PDZD2: variants seen among roughly 807,000 people sequenced by gnomAD.
The protein encoded by PDZD2 is PDZ domain-containing protein 2.
A neutral mutation model predicts 220.7 loss-of-function variants in PDZD2; 90 were observed. The ratio of observed to expected loss-of-function variants is 0.41; its 90% CI spans 0.34 to 0.49. The LOEUF (loss-of-function observed/expected upper bound fraction) is 0.49. Among genes scored for constraint, PDZD2 ranks in the 20% least tolerant of loss-of-function variants. PDZD2 has a pLI of 0.28. For synonymous variants in PDZD2, 1,375 were observed against 1,450.5 expected (o/e 0.95, Z 1.18); for missense variants, 3,174 against 3,608.5 (o/e 0.88, Z 3.08).
chr5:31,947,073 CT>C (rs1464953320), intron 2 of PDZD2, among the ~76,000 whole-genome samples: 1 of 152,126 alleles, frequency 6.6e-6, no homozygotes, highest in Non-Finnish European at 1.5e-5. Flanking sequence ...ACTCAGAGCC[CT>C]GATTTTATGG....
At chr5:31,915,197 A>G (rs1743574592) in intron 2 of PDZD2, among the ~76,000 whole-genome samples, 1 of 152,132 alleles carries the variant, frequency 6.6e-6, no homozygotes, top group African/African-American at 2.4e-5. Context: ...TTCCAATTGG[A>G]GAAGCATCCC....
At chr5:32,092,638 T>C (rs1021359489) in intron 20 of PDZD2, among the ~76,000 whole-genome samples, 2 of 152,228 alleles carry the variant, frequency 1.3e-5, no homozygotes, top group Admixed American at 1.3e-4. Flanking sequence ...AGAAGTGTCC[T>C]GTTAAGCTCC....
At chr5:31,858,458 C>G (rs1048799501) in intron 2 of PDZD2, among the ~76,000 whole-genome samples, 1 of 152,190 alleles carries the variant, frequency 6.6e-6, no homozygotes, top group African/African-American at 2.4e-5. Flanking sequence ...TGTCCTGATT[C>G]ATTCCTGAGT....
intron 2 of PDZD2, among the ~76,000 whole-genome samples, chr5:31,887,691 G>C (rs1306846284): frequency 6.6e-6 from 1 of 152,142 alleles, no homozygotes; most frequent in Non-Finnish European, 1.5e-5. Flanking sequence ...TCGCATAGCT[G>C]TACAGAGAAC....
chr5:31,660,772 G>C (rs1417363375), intron 1 of PDZD2, among the ~76,000 whole-genome samples: 1 of 152,166 alleles, frequency 6.6e-6, no homozygotes, highest in Non-Finnish European at 1.5e-5. Flanking sequence ...GCCCAGGCTG[G>C]AGTGCAATGG....
intron 2 of PDZD2, chr5:31,923,401 T>C: frequency 8.0e-7 from 1 of 1,255,648 alleles, no homozygotes; most frequent in Non-Finnish European, 1.2e-6. Flanking sequence ...AAGCAGAGAC[T>C]GCAGCAGCTC....
intron 2 of PDZD2, among the ~76,000 whole-genome samples, chr5:31,880,794 T>TTTCC (rs11282137): frequency 0.054 from 5,721 of 106,156 alleles, 537 homozygotes; most frequent in African/African-American, 0.18. Context: ...TTTTTTTCTT[T>TTTCC]TTTTTTTTTT....
chr5:31,723,651 C>G (rs1334087363), intron 1 of PDZD2, among the ~76,000 whole-genome samples: 1 of 152,020 alleles, frequency 6.6e-6, no homozygotes, highest in South Asian at 2.1e-4. Flanking sequence ...AAGTCTCGCT[C>G]TTGTCACCCA....
chr5:31,670,727 C>A (rs1746184821), intron 1 of PDZD2, among the ~76,000 whole-genome samples: 1 of 151,998 alleles, frequency 6.6e-6, no homozygotes, highest in African/African-American at 2.4e-5. Flanking sequence ...GGCCAGTTTG[C>A]GTTTCTTTTA....
intron 2 of PDZD2, among the ~76,000 whole-genome samples, chr5:31,828,954 CAAAT>C (rs1435393135): frequency 6.6e-6 from 1 of 152,196 alleles, no homozygotes; most frequent in Admixed American, 6.5e-5. Flanking sequence ...TTGTTTTCAA[CAAAT>C]AACCTAGGGA....
intron 1 of PDZD2, among the ~76,000 whole-genome samples, chr5:31,697,149 C>T (rs1003440806): frequency 3.9e-5 from 6 of 152,176 alleles, no homozygotes; most frequent in Non-Finnish European, 7.3e-5. Flanking sequence ...GAAGCATTCA[C>T]TGTAGAAAGT....
chr5:32,078,638 T>G lies in PDZD2; in HGVS notation c.3682+1032T>G, dbSNP rs13176870. Among the ~76,000 whole-genome samples, 176 of 104,928 alleles carry G rather than the reference T, an allele frequency of 1.7e-3. 2 individuals carry two copies. Among genetic ancestry groups the G allele is most frequent in the Non-Finnish European group, 1.0e-3 (58 of 55,364 alleles). The allele number at this position is 104,928 out of a possible 152,430, so 68.8% of individuals were successfully genotyped here. ...TACAGTGAAACTGTGTCTCAAAAATTAAAAAAAAAAAAAAAAAAAAAGGAA... is the reference window on the plus strand; with the variant it reads ...TACAGTGAAACTGTGTCTCAAAAATGAAAAAAAAAAAAAAAAAAAAAGGAA... On this transcript the variant is annotated intron_variant, in intron 19 of 24. Coordinates refer to ENST00000438447, the MANE Select transcript of PDZD2 (RefSeq NM_178140.4).
chr5:32,082,947 A>G lies in PDZD2; in HGVS notation c.3683-4184A>G, dbSNP rs545196271. On this transcript the variant is annotated intron_variant, in intron 19 of 24. Coordinates refer to ENST00000438447, the MANE Select transcript of PDZD2 (RefSeq NM_178140.4). ...AAAGCTGTCAAAGCTGTTGTGAGAAACTGAAGCAGTGTGGGGAATCCAGGC... is the reference window on the plus strand; with the variant it reads ...AAAGCTGTCAAAGCTGTTGTGAGAAGCTGAAGCAGTGTGGGGAATCCAGGC... 2.0e-5 allele frequency among the ~76,000 whole-genome samples: 3 copies of G among 152,258 alleles called. No homozygotes were observed. The East Asian group carries it at 5.8e-4, about 29-fold the overall frequency.
intron 1 of PDZD2, among the ~76,000 whole-genome samples, chr5:31,794,606 C>G (rs1462578402): frequency 6.6e-6 from 1 of 151,984 alleles, no homozygotes; most frequent in Non-Finnish European, 1.5e-5. Context: ...GGGGTTTCAC[C>G]ATGTTGGACA....
intron 5 of PDZD2, among the ~76,000 whole-genome samples, chr5:32,009,508 G>T (rs1009593039): frequency 6.6e-6 from 1 of 150,742 alleles, no homozygotes; most frequent in Non-Finnish European, 1.5e-5. Context: ...CAGGAGAATG[G>T]CTTGAGCCCA....
At chr5:31,661,771 T>G (rs2150112122) in intron 1 of PDZD2, among the ~76,000 whole-genome samples, 1 of 148,562 alleles carries the variant, frequency 6.7e-6, no homozygotes, top group African/African-American at 2.5e-5. Context: ...TAGAAATAAG[T>G]AGTTCCTCCC....
chr5:31,761,495 A>G (rs2150187496), intron 1 of PDZD2, among the ~76,000 whole-genome samples: 1 of 152,242 alleles, frequency 6.6e-6, no homozygotes, highest in Admixed American at 6.5e-5. Flanking sequence ...CGGGGGAAAA[A>G]AAATGAGACT....
chr5:31,961,973 G>A (rs987368435), intron 2 of PDZD2, among the ~76,000 whole-genome samples: 7 of 152,140 alleles, frequency 4.6e-5, no homozygotes, highest in African/African-American at 1.4e-4. Context: ...CTGGCTCCAG[G>A]TAGAGAGAGA....
intron 7 of PDZD2, among the ~76,000 whole-genome samples, chr5:32,040,649 G>A (rs1756014902): frequency 1.4e-5 from 2 of 144,994 alleles, no homozygotes; most frequent in African/African-American, 2.6e-5. Flanking sequence ...GAAGTGAGGA[G>A]CACCTCCGCC....
Sources: gnomAD v4.1 joint callset for allele counts (sites outside exome capture counted in the v4.1 genomes callset) on GRCh38, gnomAD v4.1.1 for gene constraint, MANE v1.5 for transcripts, NCBI Gene and HGNC (gene_info 2026-07-23, HGNC 2026-07-21) for gene names.